Variants in ADGRB3 observed in about 807,000 individuals in gnomAD.
The protein encoded by ADGRB3 is adhesion G protein-coupled receptor B3.
In ADGRB3, 37 loss-of-function variants were observed where a neutral mutation model predicts 193.4. That is an observed-to-expected ratio of 0.19 (90% CI 0.15 to 0.25). The LOEUF (loss-of-function observed/expected upper bound fraction) is 0.25. Among genes scored for constraint, ADGRB3 ranks in the 10% least tolerant of loss-of-function variants. The pLI is 1.00. For missense variants in ADGRB3, 1,637 were observed against 1,852.9 expected, an observed-to-expected ratio of 0.88 and a Z score of 2.14; for synonymous variants, 690 against 644.2, an observed-to-expected ratio of 1.07 and a Z score of -1.08.
intron 3 of ADGRB3, among the ~76,000 whole-genome samples, chr6:68,872,331 C>A (rs1765484680): frequency 6.6e-6 from 1 of 151,702 alleles, no homozygotes; most frequent in African/African-American, 2.4e-5. Context: ...TTACATAATG[C>A]AATAGCTAAG....
intron 17 of ADGRB3, among the ~76,000 whole-genome samples, chr6:69,149,748 C>T (rs1774613512): frequency 6.6e-6 from 1 of 152,108 alleles, no homozygotes; most frequent in African/African-American, 2.4e-5. Context: ...TGGGTCACTG[C>T]AGCCTTATCT....
At chr6:69,027,854 A>G (rs1049950807) in intron 13 of ADGRB3, among the ~76,000 whole-genome samples, 1 of 152,230 alleles carries the variant, frequency 6.6e-6, no homozygotes, top group Non-Finnish European at 1.5e-5. Context: ...AAATATATCC[A>G]CTGCATCTCC....
At chr6:69,184,501 T>A (rs1765029748) in intron 17 of ADGRB3, among the ~76,000 whole-genome samples, 1 of 152,144 alleles carries the variant, frequency 6.6e-6, no homozygotes, top group Non-Finnish European at 1.5e-5. Context: ...TGGTTGTACA[T>A]GAAGTTTTAT....
intron 3 of ADGRB3, among the ~76,000 whole-genome samples, chr6:68,867,367 G>A (rs929253681): frequency 8.5e-5 from 13 of 152,194 alleles, no homozygotes; most frequent in Admixed American, 4.6e-4. Context: ...CTGGTGCACA[G>A]AAGGCAAGAG....
intron 23 of ADGRB3, chr6:69,332,226 T>G (rs1768747112): frequency 4.1e-6 from 4 of 985,200 alleles, no homozygotes; most frequent in Non-Finnish European, 4.8e-6. Flanking sequence ...AAAATATGTG[T>G]GATTTCATTT....
At chr6:68,672,144 C>G (rs1768978646) in intron 3 of ADGRB3, among the ~76,000 whole-genome samples, 1 of 151,198 alleles carries the variant, frequency 6.6e-6, no homozygotes, top group African/African-American at 2.4e-5. Flanking sequence ...TATTTGAATC[C>G]TCTCTCTTTT....
chr6:69,351,049 A>G (rs919647489), intron 26 of ADGRB3, among the ~76,000 whole-genome samples: 2 of 152,036 alleles, frequency 1.3e-5, no homozygotes, highest in Non-Finnish European at 2.9e-5. Context: ...GTGTTGGACA[A>G]ATATTTAAGA....
chr6:69,341,630 A>T (rs991939383), intron 26 of ADGRB3, among the ~76,000 whole-genome samples: 2 of 152,164 alleles, frequency 1.3e-5, no homozygotes, highest in African/African-American at 4.8e-5. Context: ...CCAAGTATTG[A>T]ATTATTTATA....
chr6:68,910,303 T>C (rs1766664759), intron 3 of ADGRB3, among the ~76,000 whole-genome samples: 1 of 152,242 alleles, frequency 6.6e-6, no homozygotes, highest in Non-Finnish European at 1.5e-5. Flanking sequence ...ATTCTGGATG[T>C]TAGCCCTTTG....
chr6:69,097,430 C>T (rs906714519), intron 17 of ADGRB3, among the ~76,000 whole-genome samples: 2 of 151,960 alleles, frequency 1.3e-5, no homozygotes, highest in East Asian at 1.9e-4. Flanking sequence ...ATTACAATTC[C>T]TCTGGTATCA....
chr6:68,955,863 T>C (rs1768056876), intron 6 of ADGRB3, among the ~76,000 whole-genome samples, 161 bp from the exon 7 acceptor site: 1 of 152,112 alleles, frequency 6.6e-6, no homozygotes, highest in Non-Finnish European at 1.5e-5. Flanking sequence ...TAATAATATT[T>C]GGGGAGTTAA....
intron 20 of ADGRB3, among the ~76,000 whole-genome samples, chr6:69,297,946 A>C (rs942047507): frequency 5.3e-5 from 8 of 152,102 alleles, no homozygotes; most frequent in African/African-American, 1.9e-4. Flanking sequence ...TCTACTATGT[A>C]CTAAGTTTGT....
chr6:69,318,873 A>ATATATG (rs1768376435), intron 20 of ADGRB3, among the ~76,000 whole-genome samples: 1 of 149,986 alleles, frequency 6.7e-6, no homozygotes, highest in African/African-American at 2.4e-5. Context: ...ATATATATAT[A>ATATATG]TATGTATGTA....
chr6:68,918,341 G>C (rs1246871349), intron 3 of ADGRB3, among the ~76,000 whole-genome samples: 1 of 152,104 alleles, frequency 6.6e-6, no homozygotes, highest in Non-Finnish European at 1.5e-5. Context: ...CCTTGTAGAA[G>C]CACAGTCATA....
At chr6:69,078,117 T>C (rs1020775237) in intron 17 of ADGRB3, among the ~76,000 whole-genome samples, 3 of 152,054 alleles carry the variant, frequency 2.0e-5, no homozygotes, top group Non-Finnish European at 4.4e-5. Context: ...CTGCTACTTC[T>C]TTTTATACAG....
At chr6:69,223,680 A>G (rs1369819404) in intron 17 of ADGRB3, among the ~76,000 whole-genome samples, 1 of 118,032 alleles carries the variant, frequency 8.5e-6, no homozygotes, top group African/African-American at 3.5e-5. Context: ...TTTTTGGCAG[A>G]GTCTCACTTT....
intron 10 of ADGRB3, among the ~76,000 whole-genome samples, chr6:68,991,537 C>T (rs1366931800): frequency 2.0e-5 from 3 of 151,014 alleles, no homozygotes; most frequent in Non-Finnish European, 2.9e-5. Flanking sequence ...TGTGGAAAGA[C>T]TATTCAAGGC....
chr6:69,349,336 A>G (rs1769174136), intron 26 of ADGRB3, among the ~76,000 whole-genome samples: 1 of 152,214 alleles, frequency 6.6e-6, no homozygotes, highest in Admixed American at 6.5e-5. Context: ...GAGGTATAAC[A>G]ATTTTAGAGA....
chr6:68,958,859 C>T (rs910170198), intron 8 of ADGRB3, among the ~76,000 whole-genome samples: 5 of 76,454 alleles, frequency 6.5e-5, no homozygotes, highest in African/African-American at 2.4e-4. Context: ...TATACAGGGG[C>T]AAAGAAAAAT....
Sources: gnomAD v4.1 joint callset for allele counts (sites outside exome capture counted in the v4.1 genomes callset) on GRCh38, gnomAD v4.1.1 for gene constraint, MANE v1.5 for transcripts, NCBI Gene and HGNC (gene_info 2026-07-23, HGNC 2026-07-21) for gene names.